The following RYR2 variants were observed in gnomAD, a reference collection of about 807,000 sequenced individuals.
The protein encoded by RYR2 is cardiac muscle ryanodine receptor-calcium release channel.
In RYR2, 227 loss-of-function variants were observed where a neutral mutation model predicts 601.1. The observed-to-expected ratio is 0.38, with a 90% confidence interval of 0.34 to 0.42. The LOEUF (loss-of-function observed/expected upper bound fraction) is 0.42, where lower values mean the gene tolerates loss of function less well. Among genes scored for constraint, RYR2 ranks in the 10% least tolerant of loss-of-function variants. The probability of loss-of-function intolerance (pLI) is 1.00; values close to 1 mark genes in which losing one functional copy is unlikely to be tolerated. For synonymous variants in RYR2, 2,223 were observed against 2,175.1 expected (o/e 1.02, Z -0.61); for missense variants, 4,646 against 6,156.5 (o/e 0.75, Z 8.21).
Position 237,638,939 on chromosome 1 carries a change from G to T in RYR2, c.6929-76G>T, listed in dbSNP as rs1681158826. On this transcript the variant is annotated intron_variant, in intron 45 of 104. Transcript: ENST00000366574. ...TTAGTTATTCTTATACATAGGAAAT[G>T]ATTAGTATAACATTTATTTGTTCAG... The T allele has an allele frequency of 3.4e-6, 5 of 1,480,914 alleles. No individual in the cohort carries two copies. In the South Asian group the frequency reaches 6.0e-5, roughly 18 times the overall value. The allele number at this position is 1,480,914 out of a possible 1,614,324, so 91.7% of individuals were successfully genotyped here.
At chr1:237,807,409 G>A (rs113942739) in intron 99 of RYR2, among the ~76,000 whole-genome samples, 315 of 152,270 alleles carry the variant, frequency 2.1e-3, no homozygotes, top group African/African-American at 7.1e-3. Flanking sequence ...GGAATGCGGC[G>A]GCGCGATCTC....
chr1:237,064,692 G>A (rs1442713271), intron 1 of RYR2, among the ~76,000 whole-genome samples: 1 of 149,082 alleles, frequency 6.7e-6, no homozygotes, highest in Non-Finnish European at 1.5e-5. Flanking sequence ...ACTCTTCTGA[G>A]GTCTCATGTG....
chr1:237,087,284 C>A (rs891518312), intron 1 of RYR2, among the ~76,000 whole-genome samples: 7 of 152,114 alleles, frequency 4.6e-5, no homozygotes, highest in African/African-American at 1.7e-4. Context: ...GTGTTTGTAG[C>A]AACTCTGTTA....
chr1:237,416,763 C>G lies in RYR2; in HGVS notation c.774-286C>G, dbSNP rs4382712. On this transcript the variant is annotated intron_variant, in intron 10 of 104. Coordinates refer to ENST00000366574, the MANE Select transcript of RYR2 (RefSeq NM_001035.3). ...GGATGGGAAGAAACACACACACACA[C>G]AGAGAGAGAGAGAGAGAGAGAATGA... 0.81 allele frequency among the ~76,000 whole-genome samples: 119,599 copies of G among 147,196 alleles called. 49,054 individuals are homozygous for G. Among genetic ancestry groups the G allele is most frequent in the East Asian group, 1 (4,836 of 4,844 alleles).
chr1:237,514,043 T>C (rs1666174085), intron 24 of RYR2, among the ~76,000 whole-genome samples: 1 of 152,196 alleles, frequency 6.6e-6, no homozygotes, highest in Non-Finnish European at 1.5e-5. Context: ...AAAGAATGCA[T>C]AACGAGCCCT....
intron 1 of RYR2, among the ~76,000 whole-genome samples, chr1:237,249,042 G>C (rs1327003780): frequency 6.6e-6 from 1 of 152,106 alleles, no homozygotes; most frequent in Non-Finnish European, 1.5e-5. Flanking sequence ...TGGGATTATA[G>C]GCGTGAGCCA....
chr1:237,114,686 G>A (rs1669866142), intron 1 of RYR2, among the ~76,000 whole-genome samples: 1 of 152,156 alleles, frequency 6.6e-6, no homozygotes, highest in Non-Finnish European at 1.5e-5. Context: ...TGGGGGAAGG[G>A]GCTGTAGCCT....
chr1:237,396,858 T>C (rs1234281788), intron 10 of RYR2, among the ~76,000 whole-genome samples: 1 of 152,044 alleles, frequency 6.6e-6, no homozygotes, highest in South Asian at 2.1e-4. Context: ...GACTTAAATA[T>C]GAAGCACATA....
intron 3 of RYR2, among the ~76,000 whole-genome samples, chr1:237,343,825 T>G (rs1474625759): frequency 6.6e-6 from 1 of 151,322 alleles, no homozygotes. Flanking sequence ...TTTTTTGTTT[T>G]TTTTTTTTTT....
At chr1:237,102,462 A>G (rs1438662355) in intron 1 of RYR2, among the ~76,000 whole-genome samples, 1 of 152,216 alleles carries the variant, frequency 6.6e-6, no homozygotes, top group Non-Finnish European at 1.5e-5. Flanking sequence ...CTCATTTAGT[A>G]AAGTAGTAAA....
At chr1:237,461,353 G>A (rs902035175) in intron 16 of RYR2, among the ~76,000 whole-genome samples, 1 of 152,160 alleles carries the variant, frequency 6.6e-6, no homozygotes, top group Non-Finnish European at 1.5e-5. Context: ...TCAGACCTCA[G>A]GGAGCTCTCA....
chr1:237,619,196 C>G (rs904333671), intron 38 of RYR2, among the ~76,000 whole-genome samples: 6 of 151,980 alleles, frequency 3.9e-5, no homozygotes, highest in Non-Finnish European at 8.8e-5. Context: ...ATGAAAAAAC[C>G]AATCAATAAG....
At chr1:237,458,192 C>G (rs1659062102) in intron 16 of RYR2, among the ~76,000 whole-genome samples, 2 of 152,164 alleles carry the variant, frequency 1.3e-5, no homozygotes, top group South Asian at 4.1e-4. Context: ...CTTTGGGAGG[C>G]TGAGGCAGCC....
Position 237,711,831 on chromosome 1 carries a change from G to T in RYR2, c.10317G>T (p.Met3439Ile). ...TTATTACTGATACCAAGTCAAAGAT[G>T]TCAAAGGTATTACTATAAACTGTTT... ...SFLITDTKSK[M>I]SKAAVSDQER... The change falls in exon 71 of 105, where the codon ATG (methionine) becomes ATT (isoleucine). Residue 3439 changes from methionine (M) to isoleucine (I), a missense_variant. Physicochemically the swap from Met to Ile is conservative, Grantham distance 10 (BLOSUM62 1). Coordinates refer to ENST00000366574, the MANE Select transcript of RYR2 (RefSeq NM_001035.3). 7.2e-7 allele frequency: 1 copy of T among 1,382,486 alleles called. No individual in the cohort carries two copies. Among genetic ancestry groups the T allele is most frequent in the Middle Eastern group, 1.9e-4 (1 of 5,290 alleles). 85.6% of individuals were successfully genotyped at this position (1,382,486 alleles called of 1,614,324 possible). A position where few individuals can be genotyped will look rare whatever the true frequency, so the allele number is the denominator to read the frequency against.
chr1:237,456,871 A>T, intron 16 of RYR2, 136 bp downstream of exon 16: 2 of 930,738 alleles, frequency 2.1e-6, no homozygotes, highest in Non-Finnish European at 3.1e-6. Context: ...GAGGCCAGGA[A>T]TTTGAGACCA....
chr1:237,397,235 C>CAA (rs931409932), intron 10 of RYR2, among the ~76,000 whole-genome samples: 26 of 107,278 alleles, frequency 2.4e-4, no homozygotes, highest in African/African-American at 8.7e-4. Flanking sequence ...GAGACTGTTT[C>CAA]AAAAAAAAAA....
At chr1:237,514,575 T>C (rs1234394577) in intron 24 of RYR2, among the ~76,000 whole-genome samples, 1 of 152,224 alleles carries the variant, frequency 6.6e-6, no homozygotes, top group African/African-American at 2.4e-5. Flanking sequence ...ATTCATACCA[T>C]GCCCAATTCC....
rs373083911 is a variant in RYR2, at chr1:237,550,659, G to A, written c.3182G>A (p.Gly1061Asp). 5.1e-6 allele frequency: 8 copies of A among 1,564,204 alleles called. No homozygotes were observed. Among genetic ancestry groups the A allele is most frequent in the Non-Finnish European group, 6.9e-6 (8 of 1,154,564 alleles). Residue 1061 changes from glycine to aspartate, a missense_variant, in exon 27 of 105, where the codon GGC becomes GAC. Gly to Asp is a moderately conservative substitution (Grantham distance 94). Transcript: ENST00000366574. ...REAVRTLLGYGYNLEAPDQDH... is the reference protein window; with the variant it reads ...REAVRTLLGYDYNLEAPDQDH... ...GCTGTGCGCACGCTGCTGGGGTACGGCTACAACTTGGAAGCACCAGATCAA... is the reference window on the plus strand; with the variant it reads ...GCTGTGCGCACGCTGCTGGGGTACGACTACAACTTGGAAGCACCAGATCAA...
In RYR2 at chr1:237,703,918, T is replaced by G. The variant is rs75493336; in HGVS notation, c.9450-1295T>G. Among the ~76,000 whole-genome samples, 12 of 152,174 alleles carry G rather than the reference T, an allele frequency of 7.9e-5. No homozygotes were observed. In the East Asian group the frequency reaches 2.3e-3, roughly 29 times the overall value. ...TAGGATACAGAAATAAACAAGATACTTCTCTACTCTCATAGGTTTTATATC... is the reference window on the plus strand; with the variant it reads ...TAGGATACAGAAATAAACAAGATACGTCTCTACTCTCATAGGTTTTATATC... On this transcript the variant is annotated intron_variant, in intron 66 of 104. Transcript: ENST00000366574.
Sources: gnomAD v4.1 joint callset for allele counts (sites outside exome capture counted in the v4.1 genomes callset) on GRCh38, gnomAD v4.1.1 for gene constraint, MANE v1.5 for transcripts, NCBI Gene and HGNC (gene_info 2026-07-23, HGNC 2026-07-21) for gene names.